MYO9A: variants seen among roughly 807,000 people sequenced by gnomAD.
MYO9A encodes the protein myosin IXA.
A neutral mutation model predicts 293.3 loss-of-function variants in MYO9A; 103 were observed. The observed-to-expected ratio is 0.35, with a 90% confidence interval of 0.30 to 0.41. MYO9A has a LOEUF of 0.41. Ranked by LOEUF, MYO9A falls within the 10% of genes least tolerant of loss-of-function variation. The pLI is 1.00. For missense variants in MYO9A, 2,685 were observed against 3,033.0 expected (o/e 0.89, Z 2.69); for synonymous variants, 1,001 against 1,035.7 (o/e 0.97, Z 0.64).
At chr15:71,851,997 G>T in intron 36 of MYO9A, 135 bp downstream of exon 36, 1 of 1,040,456 alleles carries the variant, frequency 9.6e-7, no homozygotes, top group Non-Finnish European at 1.3e-6. Flanking sequence ...TAGCCGTTTT[G>T]TATTCACTGT....
chr15:72,012,527 ACCTC>A (rs1456423795), intron 6 of MYO9A, among the ~76,000 whole-genome samples: 1 of 151,968 alleles, frequency 6.6e-6, no homozygotes, highest in Non-Finnish European at 1.5e-5. Flanking sequence ...CAAACTCCTG[ACCTC>A]AGGTGATCCA....
chr15:71,829,670 C>A (rs1469251255), intron 40 of MYO9A, among the ~76,000 whole-genome samples: 2 of 151,898 alleles, frequency 1.3e-5, no homozygotes. Flanking sequence ...TGAATAATGC[C>A]CATTCTTGAA....
chr15:71,829,390 G>T (rs924629888), intron 40 of MYO9A, among the ~76,000 whole-genome samples: 2 of 152,082 alleles, frequency 1.3e-5, no homozygotes, highest in Non-Finnish European at 2.9e-5. Flanking sequence ...CTTCCTAAGA[G>T]TCATCAATGT....
intron 2 of MYO9A, chr15:72,036,377 AT>A: frequency 6.6e-6 from 1 of 152,198 alleles, no homozygotes; most frequent in Non-Finnish European, 1.5e-5. Flanking sequence ...TCAAACTCAA[AT>A]TTTTAAGAAC....
chr15:71,841,696 T>C (rs2141016359), intron 39 of MYO9A, among the ~76,000 whole-genome samples: 1 of 152,132 alleles, frequency 6.6e-6, no homozygotes, highest in Non-Finnish European at 1.5e-5. Flanking sequence ...CAGGCTGGAG[T>C]GCAGTCATGG....
At chr15:71,984,643 CTCAG>C (rs1303119120) in intron 11 of MYO9A, among the ~76,000 whole-genome samples, 5 of 152,122 alleles carry the variant, frequency 3.3e-5, no homozygotes, top group African/African-American at 1.2e-4. Flanking sequence ...ATTCATTAGG[CTCAG>C]TATTTTCTTC....
At chr15:72,026,659 C>A (rs190496890) in intron 4 of MYO9A, among the ~76,000 whole-genome samples, 1 of 151,890 alleles carries the variant, frequency 6.6e-6, no homozygotes, top group Non-Finnish European at 1.5e-5. Flanking sequence ...AACTAAAGAT[C>A]GGTTCTTTGA....
At position 71,825,669 on chromosome 15, in the gene MYO9A, G is replaced by A. The variant is rs2054452675; in HGVS notation, c.*911C>T. The A allele has an allele frequency of 1.3e-5, 2 of 152,074 alleles. No individual in the cohort carries two copies. Among genetic ancestry groups the A allele is most frequent in the African/African-American group, 2.4e-5 (1 of 41,396 alleles). 9.4% of individuals were successfully genotyped at this position (152,074 alleles called of 1,614,324 possible). A position where few individuals can be genotyped will look rare whatever the true frequency, so the allele number is the denominator to read the frequency against. On this transcript the variant is annotated 3_prime_UTR_variant, in exon 42 of 42. Coordinates refer to ENST00000356056, the MANE Select transcript of MYO9A (RefSeq NM_006901.4). ...CCAGCAGATGAACAGGCTCATATGC[G>A]GTTTTCGGTTTAATCTATACAAAGA...
chr15:71,885,713 T>C (rs2056999532), intron 27 of MYO9A, among the ~76,000 whole-genome samples: 2 of 152,148 alleles, frequency 1.3e-5, no homozygotes, highest in South Asian at 4.1e-4. Flanking sequence ...TCTTCAAATC[T>C]GGAAAATCGT....
At chr15:72,039,527 C>A (rs1489227822) in intron 2 of MYO9A, among the ~76,000 whole-genome samples, 1 of 151,774 alleles carries the variant, frequency 6.6e-6, no homozygotes, top group African/African-American at 2.4e-5. Context: ...TCTAAGCAAC[C>A]CATGGTTCAA....
intron 39 of MYO9A, among the ~76,000 whole-genome samples, chr15:71,839,035 T>C (rs1006647849): frequency 2.0e-5 from 3 of 152,218 alleles, no homozygotes. Flanking sequence ...TTCTGGCTTG[T>C]TTTCAGTTTC....
intron 1 of MYO9A, among the ~76,000 whole-genome samples, chr15:72,083,075 G>A (rs1358043646): frequency 6.6e-6 from 1 of 151,962 alleles, no homozygotes; most frequent in Non-Finnish European, 1.5e-5. Context: ...CAATTTTTGG[G>A]AATAGTTTCA....
chr15:71,946,323 G>A (rs1028217838), intron 15 of MYO9A, among the ~76,000 whole-genome samples: 2 of 152,090 alleles, frequency 1.3e-5, no homozygotes, highest in Non-Finnish European at 2.9e-5. Flanking sequence ...CCTAAACTTC[G>A]TGTGGGGGGA....
chr15:71,944,749 T>C (rs1248826489), intron 15 of MYO9A, among the ~76,000 whole-genome samples: 1 of 152,176 alleles, frequency 6.6e-6, no homozygotes, highest in Non-Finnish European at 1.5e-5. Context: ...AATATTTTAG[T>C]CTTAAAATCA....
chr15:71,942,306 T>C (rs1232949626), intron 15 of MYO9A, among the ~76,000 whole-genome samples: 1 of 152,174 alleles, frequency 6.6e-6, no homozygotes, highest in East Asian at 1.9e-4. Context: ...TGGGAAAATG[T>C]ACAAGAGAAT....
At chr15:71,913,607 T>G (rs1242516866) in intron 19 of MYO9A, among the ~76,000 whole-genome samples, 1 of 152,174 alleles carries the variant, frequency 6.6e-6, no homozygotes, top group Admixed American at 6.5e-5. Flanking sequence ...CCCCTTGTTA[T>G]GGGTTATTTT....
intron 1 of MYO9A, among the ~76,000 whole-genome samples, chr15:72,106,518 A>G (rs528551778): frequency 4.5e-4 from 69 of 152,354 alleles, no homozygotes; most frequent in Non-Finnish European, 9.0e-4. Flanking sequence ...AACATTTAAG[A>G]AAATAAAAAT....
intron 1 of MYO9A, among the ~76,000 whole-genome samples, chr15:72,064,220 G>A (rs1158135528): frequency 6.6e-6 from 1 of 152,120 alleles, no homozygotes; most frequent in African/African-American, 2.4e-5. Flanking sequence ...TAAAAATATA[G>A]TTAGAATGAA....
In MYO9A at chr15:71,898,701, C is replaced by A. The variant is rs1257175250; in HGVS notation, c.3802G>T (p.Gly1268Cys). ...CTCCTACTTTCTCTCTTAGCCCGGC[C>A]TACTTTTTTCTGATGGAGATCCTCC... Reference protein sequence around the residue: ...SLEDLHQKKVGRAKRESRRMR... With the variant: ...SLEDLHQKKVCRAKRESRRMR... The change falls in exon 25 of 42, where the codon GGC becomes TGC. Residue 1268 changes from glycine to cysteine, a missense_variant. This residue lies in a region of MYO9A where 1,434 missense variants were observed against 1,497.7 expected (regional missense o/e 0.96). Coordinates refer to ENST00000356056, the MANE Select transcript of MYO9A (RefSeq NM_006901.4). 1 of 1,613,892 alleles carries A rather than the reference C, an allele frequency of 6.2e-7. No homozygotes were observed. The highest frequency in any genetic ancestry group is 8.5e-7 in the Non-Finnish European group (1 of 1,179,992).
Sources: allele counts gnomAD v4.1 joint callset (sites outside exome capture counted in the v4.1 genomes callset), GRCh38; gene constraint gnomAD v4.1.1; regional missense constraint gnomAD v4.1.1; transcripts MANE v1.5; gene names NCBI Gene and HGNC (gene_info 2026-07-23, HGNC 2026-07-21).